The following IKZF5 variants were observed in gnomAD, a reference collection of about 807,000 sequenced individuals.
IKZF5 encodes the protein zinc finger protein Pegasus.
A neutral mutation model predicts 30.7 loss-of-function variants in IKZF5; 4 were observed. That is an observed-to-expected ratio of 0.13 (90% CI 0.06 to 0.30). The LOEUF (loss-of-function observed/expected upper bound fraction) is 0.30, where lower values mean the gene tolerates loss of function less well. IKZF5 is among the 10% of genes least tolerant of loss of function. The pLI is 1.00. For synonymous variants in IKZF5, 148 were observed against 179.6 expected (o/e 0.82, Z 1.41); for missense variants, 348 against 525.5 (o/e 0.66, Z 3.30).
rs1479005086 is a variant in IKZF5 at position 123,008,770 on chromosome 10, A to T, written c.-274T>A. On this transcript the variant is annotated 5_prime_UTR_variant, in exon 1 of 5. Coordinates refer to ENST00000368886, the MANE Select transcript of IKZF5 (RefSeq NM_001372123.1). ...CGCCGCCGCCGTCTTCGTCACCGTC[A>T]CAGTCGCCGCCGCCATCTTTGTTGT... 4 of 608,450 alleles carry T rather than the reference A, an allele frequency of 6.6e-6. No individual in the cohort carries two copies. In the African/African-American group the frequency reaches 7.4e-5, roughly 11 times the overall value. The allele number at this position is 608,450 out of a possible 1,614,324, so 37.7% of individuals were successfully genotyped here. A position where few individuals can be genotyped will look rare whatever the true frequency, so the allele number is the denominator to read the frequency against.
At chr10:123,002,370 A>G (rs1038287582) in intron 2 of IKZF5, among the ~76,000 whole-genome samples, 1 of 151,590 alleles carries the variant, frequency 6.6e-6, no homozygotes, top group Non-Finnish European at 1.5e-5. Flanking sequence ...TACCAAAAAA[A>G]TTAGCCGGGC....
Position 122,993,509 on chromosome 10 carries a change from G to T in IKZF5, c.*271C>A, listed in dbSNP as rs538999584. The T allele has an allele frequency of 6.0e-5, 15 of 250,806 alleles. No individual in the cohort carries two copies. Among genetic ancestry groups the T allele is most frequent in the African/African-American group, 8.9e-5 (4 of 44,760 alleles). The allele number at this position is 250,806 out of a possible 1,614,324, so 15.5% of individuals were successfully genotyped here. A position where few individuals can be genotyped will look rare whatever the true frequency, so the allele number is the denominator to read the frequency against. ...TGTGAGAAATTCAAATGAACATCTTGTAAGATTATGACTGCACTCCAATTC... is the reference window on the plus strand; with the variant it reads ...TGTGAGAAATTCAAATGAACATCTTTTAAGATTATGACTGCACTCCAATTC... On this transcript the variant is annotated 3_prime_UTR_variant, in exon 5 of 5. Coordinates refer to ENST00000368886, the MANE Select transcript of IKZF5 (RefSeq NM_001372123.1).
At chr10:123,003,288 T>G (rs1011068997) in intron 2 of IKZF5, among the ~76,000 whole-genome samples, 5 of 152,034 alleles carry the variant, frequency 3.3e-5, no homozygotes, top group Non-Finnish European at 7.4e-5. Context: ...TGTAACTATT[T>G]ACATAGCATT....
intron 3 of IKZF5, among the ~76,000 whole-genome samples, chr10:122,996,881 G>T (rs948645443): frequency 6.6e-6 from 1 of 150,494 alleles, no homozygotes; most frequent in African/African-American, 2.5e-5. Flanking sequence ...GGCAGTCAAA[G>T]AATCTCCAAA....
intron 3 of IKZF5, among the ~76,000 whole-genome samples, chr10:122,996,445 T>C (rs1312479365): frequency 6.6e-6 from 1 of 151,672 alleles, no homozygotes; most frequent in East Asian, 1.9e-4. Flanking sequence ...ATCCCAGAAC[T>C]TTGGGAGGCA....
chr10:123,004,868 C>T (rs904389531), intron 2 of IKZF5, among the ~76,000 whole-genome samples: 2 of 152,190 alleles, frequency 1.3e-5, no homozygotes, highest in African/African-American at 4.8e-5. Context: ...TTGCAAAGCC[C>T]TAGTCTATAG....
intron 3 of IKZF5, 147 bp downstream of exon 3, chr10:122,998,346 A>C (rs1401172984): frequency 3.2e-6 from 2 of 622,470 alleles, no homozygotes; most frequent in African/African-American, 1.9e-5. Context: ...TGATATGTTT[A>C]AAAAAGGGGG....
intron 2 of IKZF5, among the ~76,000 whole-genome samples, chr10:123,000,209 T>C (rs1300219475): frequency 6.6e-6 from 1 of 152,150 alleles, no homozygotes; most frequent in East Asian, 1.9e-4. Context: ...GAAACCCCCC[T>C]CGTGTACCCT....
At chr10:123,000,928 G>A (rs1564738998) in intron 2 of IKZF5, among the ~76,000 whole-genome samples, 1 of 151,050 alleles carries the variant, frequency 6.6e-6, no homozygotes, top group East Asian at 1.9e-4. Flanking sequence ...ATGGAAGAAT[G>A]CTTTATAATG....
At chr10:123,001,785 G>A (rs1406480869) in intron 2 of IKZF5, among the ~76,000 whole-genome samples, 1 of 152,150 alleles carries the variant, frequency 6.6e-6, no homozygotes, top group Non-Finnish European at 1.5e-5. Context: ...TTCAAGAATA[G>A]GCTGTTCTTG....
intron 2 of IKZF5, among the ~76,000 whole-genome samples, chr10:123,002,870 A>G (rs973884597): frequency 3.3e-5 from 5 of 151,594 alleles, no homozygotes; most frequent in Non-Finnish European, 5.9e-5. Context: ...AAAATTGTCT[A>G]GGAAGTTGAG....
In IKZF5 at chr10:122,998,611, T is replaced by C. The variant is rs776753682; in HGVS notation, c.15A>G (p.Lys5=). ...CTTTCACGAAGTCCAAAGGCTCTGGTTTTTTTTCACCCATCTTTGCTTTTT... is the reference window on the plus strand; with the variant it reads ...CTTTCACGAAGTCCAAAGGCTCTGGCTTTTTTTCACCCATCTTTGCTTTTT... MGEK[K]PEPLDFVKDF... is the part of the protein sequence containing the mutation. Residue 5 remains lysine (K), a synonymous_variant, in exon 3 of 5, where the codon AAA becomes AAG. Coordinates refer to ENST00000368886, the MANE Select transcript of IKZF5 (RefSeq NM_001372123.1). 3.7e-6 allele frequency: 6 copies of C among 1,610,414 alleles called. No homozygotes were observed. In the Admixed American group the frequency reaches 8.4e-5, roughly 23 times the overall value.
Position 122,994,005 on chromosome 10 carries a change from G to A in IKZF5, c.1035C>T (p.Asn345=), listed in dbSNP as rs1271319845. ...CTGGGGCTGGGGTGCTTGGCTGGCT[G>A]TTTCCTATGCTGGGAGTGCTCGTGT... The part of the protein sequence containing the change: ...SAHTSTPSIG[N]SQPSTPAPAL... Residue 345 remains asparagine, a synonymous_variant, in exon 5 of 5, where the codon AAC becomes AAT. Coordinates refer to ENST00000368886, the MANE Select transcript of IKZF5 (RefSeq NM_001372123.1). The surrounding 1 kb of genome is among the most constrained non-coding windows in gnomAD (Gnocchi z 5.6). 17 of 1,614,024 alleles carry A rather than the reference G, an allele frequency of 1.1e-5. No individual in the cohort carries two copies. The highest frequency in any genetic ancestry group is 1.7e-5 in the Admixed American group (1 of 60,002).
In IKZF5 at chr10:122,992,137, C is replaced by T. The variant is rs1359347441; in HGVS notation, c.*1643G>A. On this transcript the variant is annotated 3_prime_UTR_variant, in exon 5 of 5. Coordinates refer to ENST00000368886, the MANE Select transcript of IKZF5 (RefSeq NM_001372123.1). ...ACAAGATTTGACAAAGAAGAGAGTT[C>T]CAGTTTGGAGAAAGTGTCCTTGATG... is the stretch of plus-strand genomic sequence containing the variant. 1.3e-5 allele frequency: 2 copies of T among 152,146 alleles called. No individual in the cohort carries two copies. The highest frequency in any genetic ancestry group is 2.9e-5 in the Non-Finnish European group (2 of 68,022). 9.4% of individuals were successfully genotyped at this position (152,146 alleles called of 1,614,324 possible).
At chr10:122,999,585 T>C (rs933266480) in intron 2 of IKZF5, among the ~76,000 whole-genome samples, 1 of 152,252 alleles carries the variant, frequency 6.6e-6, no homozygotes, top group Admixed American at 6.5e-5. Context: ...AATTAGACTT[T>C]ATAACAACAG....
chr10:122,994,719 T>C lies in IKZF5; in HGVS notation c.321A>G (p.Glu107=). Reference sequence around the variant, plus strand: ...GACAAAGATGACATCGATGAGGTTTTTCACCTGTTTCAAAAGAAAAATGAT... The same window carrying C: ...GACAAAGATGACATCGATGAGGTTTCTCACCTGTTTCAAAAGAAAAATGAT... The part of the protein sequence containing the change: ...LIEHIRIHTG[E]KPHRCHLCPF... The change falls in exon 5 of 5, where the codon GAA becomes GAG. Residue 107 remains glutamate, a synonymous_variant. Coordinates refer to ENST00000368886, the MANE Select transcript of IKZF5 (RefSeq NM_001372123.1). This position sits in a 1 kb window ranked among gnomAD's most constrained non-coding sequence, Gnocchi z 5.6. 1 of 1,582,012 alleles carries C rather than the reference T, an allele frequency of 6.3e-7. No homozygotes were observed. Among genetic ancestry groups the C allele is most frequent in the Non-Finnish European group, 8.6e-7 (1 of 1,166,184 alleles).
chr10:122,994,501 C>G lies in IKZF5; in HGVS notation c.539G>C (p.Gly180Ala). Residue 180 changes from glycine (G) to alanine (A), a missense_variant, in exon 5 of 5, where the codon GGG becomes GCG. Transcript: ENST00000368886. This position sits in a 1 kb window ranked among gnomAD's most constrained non-coding sequence, Gnocchi z 5.6. ...RSSLSSKKMW[G>A]VLQKKTSNLG... ...ATTGCTTGTTTTCTTCTGTAAAACC[C>G]CCCACATTTTCTTGCTGCTTAAGGA... 6.2e-7 allele frequency: 1 copy of G among 1,614,062 alleles called. No homozygotes were observed. The highest frequency in any genetic ancestry group is 8.5e-7 in the Non-Finnish European group (1 of 1,179,998).
chr10:123,003,015 C>A (rs556694061), intron 2 of IKZF5, among the ~76,000 whole-genome samples: 1 of 151,148 alleles, frequency 6.6e-6, no homozygotes, highest in Non-Finnish European at 1.5e-5. Context: ...ATATTAAACA[C>A]GTACAGACTT....
rs35178103 is a variant in IKZF5, at chr10:122,993,928, A to G, written c.1112T>C (p.Met371Thr). 1.5e-4 allele frequency: 237 copies of G among 1,614,088 alleles called. No individual in the cohort carries two copies. The highest frequency in any genetic ancestry group is 3.8e-4 in the East Asian group (17 of 44,894). The change falls in exon 5 of 5, where the codon ATG becomes ACG. Residue 371 changes from methionine (M) to threonine (T), a missense_variant. This residue lies in a region of IKZF5 where 56 missense variants were observed against 104.7 expected (regional missense o/e 0.53). Transcript: ENST00000368886. ...GTAAAGGATGTTGTCTGCAAAGTAC[A>G]TATCACAGTGCTGGCAGTGGTGCAG... ...QLLHHCQHCD[M>T]YFADNILYTI... is the part of the protein sequence containing the mutation.
Sources: allele counts gnomAD v4.1 joint callset (sites outside exome capture counted in the v4.1 genomes callset), GRCh38; gene constraint gnomAD v4.1.1; regional missense constraint gnomAD v4.1.1; non-coding constraint Gnocchi (gnomAD v3.1); transcripts MANE v1.5; gene names NCBI Gene and HGNC (gene_info 2026-07-23, HGNC 2026-07-21).